Variants in CNTN5 observed in about 807,000 individuals in gnomAD.
CNTN5 encodes contactin 5.
In CNTN5, 77 loss-of-function variants were observed where a neutral mutation model predicts 129.1. That is an observed-to-expected ratio of 0.60 (90% CI 0.50 to 0.72). The LOEUF (loss-of-function observed/expected upper bound fraction) is 0.72. CNTN5 is among the 30% of genes least tolerant of loss of function. CNTN5 has a pLI of 0.00. For synonymous variants in CNTN5, 509 were observed against 465.6 expected (o/e 1.09, Z -1.20); for missense variants, 1,478 against 1,328.8 (o/e 1.11, Z -1.75).
intron 6 of CNTN5, among the ~76,000 whole-genome samples, chr11:99,890,765 A>G (rs1428713385): frequency 6.6e-5 from 10 of 152,320 alleles, no homozygotes; most frequent in African/African-American, 2.4e-4. Flanking sequence ...GGGAAAAGGA[A>G]TAATTTTATA....
At chr11:99,750,546 T>TAAAA (rs148259432) in intron 3 of CNTN5, among the ~76,000 whole-genome samples, 2 of 142,432 alleles carry the variant, frequency 1.4e-5, no homozygotes, top group African/African-American at 5.2e-5. Context: ...GAGTGGTAGC[T>TAAAA]AAAAAAAAAA....
At chr11:99,321,000 C>A (rs1865545954) in intron 1 of CNTN5, among the ~76,000 whole-genome samples, 1 of 152,146 alleles carries the variant, frequency 6.6e-6, no homozygotes, top group Non-Finnish European at 1.5e-5. Flanking sequence ...CTTCTGCCTG[C>A]CAGCTTTTGA....
chr11:100,072,990 CAAAAA>C (rs61042118), intron 12 of CNTN5, among the ~76,000 whole-genome samples: 10 of 79,046 alleles, frequency 1.3e-4, no homozygotes, highest in Admixed American at 1.5e-4. Flanking sequence ...TCCCAGGAGG[CAAAAA>C]AAAAAAAAAA....
intron 1 of CNTN5, among the ~76,000 whole-genome samples, chr11:99,263,185 G>A (rs116205999): frequency 0.011 from 1,661 of 152,136 alleles, 34 homozygotes; most frequent in African/African-American, 0.037. Flanking sequence ...TGTCTTCTAC[G>A]CTCCTTTTCA....
chr11:99,148,171 C>T (rs573046673), intron 1 of CNTN5, among the ~76,000 whole-genome samples: 8 of 152,032 alleles, frequency 5.3e-5, no homozygotes, highest in South Asian at 2.1e-4. Flanking sequence ...GTATCAAATA[C>T]GTACTAAAAA....
chr11:99,501,241 A>G lies in CNTN5; in HGVS notation c.-70-54904A>G, dbSNP rs542861592. 2.6e-5 allele frequency among the ~76,000 whole-genome samples: 4 copies of G among 152,222 alleles called. No homozygotes were observed. The East Asian group carries it at 7.7e-4, about 29-fold the overall frequency. ...CTATTCTGCTGGAATTATAATTGGG[A>G]CGCTCAGTGACAAGCTTCTGCTCAG... On this transcript the variant is annotated intron_variant, in intron 2 of 24. Transcript: ENST00000524871.
At chr11:99,568,308 A>ATTCAATAATTATTATATTC (rs1176635258) in intron 3 of CNTN5, among the ~76,000 whole-genome samples, 1 of 152,212 alleles carries the variant, frequency 6.6e-6, no homozygotes, top group Admixed American at 6.5e-5. Flanking sequence ...TTATTATTAT[A>ATTCAATAATTATTATATTC]AAGTAATGCT....
rs200712947 is a variant in CNTN5 at position 100,299,146 on chromosome 11, T to C, written c.2386-16T>C. On this transcript the variant is annotated splice_polypyrimidine_tract_variant and intron_variant, in intron 19 of 24. Coordinates refer to ENST00000524871, the MANE Select transcript of CNTN5 (RefSeq NM_014361.4). The stretch of plus-strand genomic sequence containing the variant: ...CAATCATTTTGCTGATAATTAATTA[T>C]ATTTTTCTTCTTTAGCCAGTATCTG... The C allele has an allele frequency of 6.6e-4, 970 of 1,476,420 alleles. 1 individual carries two copies. Among genetic ancestry groups the C allele is most frequent in the Non-Finnish European group, 8.5e-4 (918 of 1,084,224 alleles). 91.5% of individuals were successfully genotyped at this position (1,476,420 alleles called of 1,614,324 possible).
intron 3 of CNTN5, among the ~76,000 whole-genome samples, chr11:99,711,047 T>A (rs654398): frequency 0.98 from 148,528 of 152,004 alleles, 72,661 homozygotes; most frequent in East Asian, 1. Flanking sequence ...TATTCATCAG[T>A]TCTGGAGATT....
rs1472402863 is a variant in CNTN5, at chr11:99,462,173, A to G, written c.-70-93972A>G. Among the ~76,000 whole-genome samples, 4 of 152,284 alleles carry G rather than the reference A, an allele frequency of 2.6e-5. No individual in the cohort carries two copies. In the East Asian group the frequency reaches 7.7e-4, roughly 29 times the overall value. ...TGAGATTTACATGATCACTCTCTGT[A>G]TTAATTCTACTAAACCACTGACTCT... On this transcript the variant is annotated intron_variant, in intron 2 of 24. Transcript: ENST00000524871.
At chr11:100,169,913 C>A (rs983654111) in intron 13 of CNTN5, among the ~76,000 whole-genome samples, 6 of 151,908 alleles carry the variant, frequency 3.9e-5, no homozygotes, top group Admixed American at 1.3e-4. Context: ...AGTCTCATGA[C>A]CTTTTTACCT....
At chr11:100,284,785 A>G (rs548482571) in intron 18 of CNTN5, among the ~76,000 whole-genome samples, 154 of 152,324 alleles carry the variant, frequency 1.0e-3, no homozygotes, top group Admixed American at 2.0e-3. Context: ...ATAAATCTCA[A>G]TATTTGCAGT....
chr11:99,329,204 A>G (rs974457893), intron 2 of CNTN5, among the ~76,000 whole-genome samples: 6 of 152,190 alleles, frequency 3.9e-5, no homozygotes, highest in Non-Finnish European at 8.8e-5. Flanking sequence ...TAAGGAATAT[A>G]TTTTAGTGTG....
intron 3 of CNTN5, among the ~76,000 whole-genome samples, chr11:99,619,375 C>T (rs984983676): frequency 2.6e-5 from 4 of 151,948 alleles, no homozygotes; most frequent in Non-Finnish European, 5.9e-5. Context: ...ATATATATTT[C>T]TGTCTGGTTT....
intron 23 of CNTN5, among the ~76,000 whole-genome samples, chr11:100,345,769 T>C (rs1342317843): frequency 3.9e-5 from 6 of 152,056 alleles, no homozygotes; most frequent in Non-Finnish European, 8.8e-5. Flanking sequence ...TTTTTTGAGA[T>C]TGTCTATGAG....
At position 99,687,711 on chromosome 11, in the gene CNTN5, A is replaced by T. The variant is rs1733959716; in HGVS notation, c.55+131442A>T. Among the ~76,000 whole-genome samples the T allele has an allele frequency of 2.0e-5, 3 of 152,192 alleles. No individual in the cohort carries two copies. The South Asian group carries it at 6.2e-4, about 31-fold the overall frequency. On this transcript the variant is annotated intron_variant, in intron 3 of 24. Coordinates refer to ENST00000524871, the MANE Select transcript of CNTN5 (RefSeq NM_014361.4). Reference sequence around the variant, plus strand: ...ACCACTAGAGACACAGATTATAGGGAACATAAGATTCTGCTGCCTTTATGT... The same window carrying T: ...ACCACTAGAGACACAGATTATAGGGTACATAAGATTCTGCTGCCTTTATGT...
At chr11:99,903,455 T>C (rs1290494390) in intron 6 of CNTN5, among the ~76,000 whole-genome samples, 1 of 152,090 alleles carries the variant, frequency 6.6e-6, no homozygotes, top group African/African-American at 2.4e-5. Context: ...AAAATGCAGT[T>C]ATCAGGTTGA....
intron 3 of CNTN5, among the ~76,000 whole-genome samples, chr11:99,677,065 C>T (rs555189410): frequency 2.7e-5 from 4 of 149,044 alleles, no homozygotes; most frequent in East Asian, 3.9e-4. Context: ...AAAATAAAAA[C>T]GTTCTAAATC....
At chr11:99,176,114 A>T (rs997572638) in intron 1 of CNTN5, among the ~76,000 whole-genome samples, 1 of 152,152 alleles carries the variant, frequency 6.6e-6, no homozygotes, top group Non-Finnish European at 1.5e-5. Flanking sequence ...CTTAGTCCTC[A>T]TGTTCTTAGA....
Sources: gnomAD v4.1 joint callset for allele counts (sites outside exome capture counted in the v4.1 genomes callset) on GRCh38, gnomAD v4.1.1 for gene constraint, MANE v1.5 for transcripts, NCBI Gene and HGNC (gene_info 2026-07-23, HGNC 2026-07-21) for gene names.